The following SYNE1 variants were observed in gnomAD, a reference collection of about 807,000 sequenced individuals.
SYNE1 encodes nesprin-1.
In SYNE1, 616 loss-of-function variants were observed where a neutral mutation model predicts 1,111.0. That is an observed-to-expected ratio of 0.55 (90% CI 0.52 to 0.59). SYNE1 has a LOEUF of 0.59. Ranked by LOEUF, SYNE1 falls within the 20% of genes least tolerant of loss-of-function variation. The pLI, the probability that SYNE1 is intolerant of heterozygous loss-of-function variation, is 0.00. For missense variants in SYNE1, 10,006 were observed against 10,417.0 expected, an observed-to-expected ratio of 0.96 and a Z score of 1.72; for synonymous variants, 3,855 against 3,825.8, an observed-to-expected ratio of 1.01 and a Z score of -0.28.
At chr6:152,631,838 C>A (rs1219652842) in intron 2 of SYNE1, among the ~76,000 whole-genome samples, 1 of 152,044 alleles carries the variant, frequency 6.6e-6, no homozygotes, top group African/African-American at 2.4e-5. Context: ...AGAAGAGGGG[C>A]CTTATAGGTT....
Position 152,600,454 on chromosome 6 carries a change from G to A in SYNE1, c.67+27811C>T, listed in dbSNP as rs950176751. 2.6e-5 allele frequency among the ~76,000 whole-genome samples: 4 copies of A among 152,074 alleles called. No individual in the cohort carries two copies. The East Asian group carries it at 7.7e-4, about 29-fold the overall frequency. On this transcript the variant is annotated intron_variant, in intron 3 of 145. Transcript: ENST00000367255. ...AAGCAAACAGAAACCTTTCTTTTTG[G>A]CATCTTCTCCTTTGTCTTACATAGA...
At chr6:152,231,182 A>G (rs1201661674) in intron 114 of SYNE1, among the ~76,000 whole-genome samples, 1 of 152,238 alleles carries the variant, frequency 6.6e-6, no homozygotes. Context: ...AAACTGAAAC[A>G]CCATAAAATA....
chr6:152,414,511 C>T lies in SYNE1; in HGVS notation c.6051-980G>A, dbSNP rs549379105. Among the ~76,000 whole-genome samples, 7 of 152,266 alleles carry T rather than the reference C, an allele frequency of 4.6e-5. No individual in the cohort carries two copies. In the South Asian group the frequency reaches 1.4e-3, roughly 32 times the overall value. ...CACACAATGAGTCTACATGCTTTAT[C>T]CCATTTAATTCCTAAAAGATGGTGG... On this transcript the variant is annotated intron_variant, in intron 41 of 145. Transcript: ENST00000367255.
At chr6:152,337,176 CTTT>C (rs1476193988) in intron 75 of SYNE1, among the ~76,000 whole-genome samples, 159 bp from the exon 76 acceptor site, 10 of 152,150 alleles carry the variant, frequency 6.6e-5, no homozygotes, top group East Asian at 1.9e-4. Context: ...AAAAGTACTT[CTTT>C]ATTTGCTTCA....
chr6:152,396,814 T>C lies in SYNE1; in HGVS notation c.7517A>G (p.Asp2506Gly). ...AGCACAGTCTTGAAGAGCCTGCTTA[T>C]CTTTAAGGCATTGTTTCAGAAATGC... ...FQAFLKQCLK[D>G]KQALQDCASE... Residue 2506 changes from aspartate (D) to glycine (G), a missense_variant, in exon 50 of 146, where the codon GAT (aspartate) becomes GGT (glycine). Physicochemically the swap from Asp to Gly is moderately conservative, Grantham distance 94 (BLOSUM62 -1). Transcript: ENST00000367255. The C allele has an allele frequency of 6.2e-7, 1 of 1,614,206 alleles. No individual in the cohort carries two copies. The highest frequency in any genetic ancestry group is 8.5e-7 in the Non-Finnish European group (1 of 1,180,022).
intron 70 of SYNE1, 132 bp from the exon 71 acceptor site, chr6:152,350,902 C>A (rs572280217): frequency 1.9e-6 from 2 of 1,053,044 alleles, no homozygotes; most frequent in African/African-American, 1.6e-5. Flanking sequence ...GCAATAGGTG[C>A]AAGACATTAA....
chr6:152,143,775 C>A lies in SYNE1; in HGVS notation c.24977-10G>T. On this transcript the variant is annotated splice_polypyrimidine_tract_variant and intron_variant, in intron 137 of 145. Coordinates refer to ENST00000367255, the MANE Select transcript of SYNE1 (RefSeq NM_182961.4). The stretch of plus-strand genomic sequence containing the variant: ...AGGGCACTGTGGTCCCCTGCGGTGG[C>A]AACCATAAGAATCTTTACTGGACAA... The A allele has an allele frequency of 1.2e-6, 2 of 1,614,160 alleles. No individual in the cohort carries two copies. Among genetic ancestry groups the A allele is most frequent in the Non-Finnish European group, 1.7e-6 (2 of 1,180,044 alleles).
intron 41 of SYNE1, 104 bp from the exon 42 acceptor site, chr6:152,413,635 G>A (rs1390112666): frequency 1.0e-5 from 12 of 1,177,770 alleles, no homozygotes; most frequent in Non-Finnish European, 6.1e-6. Context: ...CATTTAGACA[G>A]CTAGAAAAAC....
intron 111 of SYNE1, among the ~76,000 whole-genome samples, chr6:152,234,298 CTTTTT>C (rs886842496): frequency 6.6e-6 from 1 of 151,266 alleles, no homozygotes; most frequent in Non-Finnish European, 1.5e-5. Flanking sequence ...CTTTTCTTTT[CTTTTT>C]TTCTTTTTAG....
At chr6:152,295,452 G>A (rs1562859632) in intron 93 of SYNE1, among the ~76,000 whole-genome samples, 1 of 152,076 alleles carries the variant, frequency 6.6e-6, no homozygotes, top group Non-Finnish European at 1.5e-5. Flanking sequence ...ACCCTTGTAT[G>A]CTGTCATCGC....
In SYNE1 at chr6:152,513,840, A is replaced by G. The variant is rs183414679; in HGVS notation, c.310-2737T>C. ...CAAAGGATATGAGCAGACACTTCTC[A>G]AAAGAAGACATTTATGAGGCCAACA... is the stretch of plus-strand genomic sequence containing the variant. On this transcript the variant is annotated intron_variant, in intron 6 of 145. Transcript: ENST00000367255. 7.7e-4 allele frequency among the ~76,000 whole-genome samples: 118 copies of G among 152,350 alleles called. 1 individual carries two copies. The highest frequency in any genetic ancestry group is 2.5e-3 in the African/African-American group (105 of 41,588).
At chr6:152,137,831 T>C (rs2057418393) in intron 140 of SYNE1, among the ~76,000 whole-genome samples, 1 of 152,202 alleles carries the variant, frequency 6.6e-6, no homozygotes, top group Admixed American at 6.5e-5. Flanking sequence ...TGGAAAATAC[T>C]TGATTATTCC....
At position 152,130,735 on chromosome 6, in the gene SYNE1, C is replaced by A. The variant is rs370721967; in HGVS notation, c.26138G>T (p.Ser8713Ile). 2 of 1,614,002 alleles carry A rather than the reference C, an allele frequency of 1.2e-6. No individual in the cohort carries two copies. The highest frequency in any genetic ancestry group is 3.3e-5 in the Admixed American group (2 of 59,994). ...CSLSQPGPSVSSPHSRSTKGG... is the reference protein window; with the variant it reads ...CSLSQPGPSVISPHSRSTKGG... ...AAGGAGGTACCTGCTATGTGGACTG[C>A]TGACAGAGGGTCCAGGCTGTGAGAG... The change falls in exon 145 of 146, where the codon AGC becomes ATC. Residue 8713 changes from serine to isoleucine, a missense_variant. Coordinates refer to ENST00000367255, the MANE Select transcript of SYNE1 (RefSeq NM_182961.4).
At chr6:152,555,327 G>A (rs1404476750) in intron 3 of SYNE1, among the ~76,000 whole-genome samples, 1 of 152,098 alleles carries the variant, frequency 6.6e-6, no homozygotes, top group Non-Finnish European at 1.5e-5. Context: ...TTATAATACT[G>A]TATTTTTACT....
chr6:152,199,764 A>C (rs963740203), intron 127 of SYNE1, among the ~76,000 whole-genome samples: 2 of 152,198 alleles, frequency 1.3e-5, no homozygotes, highest in African/African-American at 4.8e-5. Flanking sequence ...CAAGCAATTT[A>C]GGCAAACAAG....
At chr6:152,431,409 G>C (rs143109530) in intron 34 of SYNE1, among the ~76,000 whole-genome samples, 9 of 152,268 alleles carry the variant, frequency 5.9e-5, no homozygotes, top group African/African-American at 1.9e-4. Flanking sequence ...CCCACATACT[G>C]TCATTTCAAT....
chr6:152,151,912 A>G (rs1404628622), intron 134 of SYNE1, 47 bp downstream of exon 134: 1 of 1,604,510 alleles, frequency 6.2e-7, no homozygotes, highest in Non-Finnish European at 8.5e-7. Flanking sequence ...CAAATGGCCC[A>G]GTCCCATCCT....
At chr6:152,129,634 G>A (rs961470378) in intron 145 of SYNE1, 1 of 151,520 alleles carries the variant, frequency 6.6e-6, no homozygotes, top group East Asian at 1.9e-4. Context: ...AGTACAGGGA[G>A]GTCTAAAACC....
At chr6:152,563,063 C>T (rs547328629) in intron 3 of SYNE1, among the ~76,000 whole-genome samples, 9 of 151,992 alleles carry the variant, frequency 5.9e-5, no homozygotes, top group African/African-American at 2.2e-4. Context: ...TACACACACA[C>T]ACACACACAC....
Sources: allele counts gnomAD v4.1 joint callset (sites outside exome capture counted in the v4.1 genomes callset), GRCh38; gene constraint gnomAD v4.1.1; transcripts MANE v1.5; gene names NCBI Gene and HGNC (gene_info 2026-07-23, HGNC 2026-07-21).